Variants in TMEM178B observed in about 807,000 individuals in gnomAD.
TMEM178B encodes transmembrane protein 178B.
Under a neutral mutation model 31.0 loss-of-function variants are expected in TMEM178B, and 5 were observed. That is an observed-to-expected ratio of 0.16 (90% CI 0.08 to 0.34). The LOEUF is 0.34. TMEM178B is among the 10% of genes least tolerant of loss of function. TMEM178B has a pLI of 1.00. For synonymous variants in TMEM178B, 164 were observed against 164.0 expected, an observed-to-expected ratio of 1.00 and a Z score of 0.00; for missense variants, 275 against 400.3, an observed-to-expected ratio of 0.69 and a Z score of 2.67.
intron 1 of TMEM178B, among the ~76,000 whole-genome samples, chr7:141,199,132 G>A (rs1331393032): frequency 6.6e-6 from 1 of 152,100 alleles, no homozygotes; most frequent in African/African-American, 2.4e-5. Flanking sequence ...GTGAAGAAGC[G>A]GCTATGTAAT....
At chr7:141,075,141 A>G (rs898492380) in intron 1 of TMEM178B, among the ~76,000 whole-genome samples, 5 of 152,184 alleles carry the variant, frequency 3.3e-5, no homozygotes, top group African/African-American at 1.2e-4. Flanking sequence ...TTCATACCAG[A>G]AACGTTTGCT....
chr7:141,266,474 G>T (rs1464017958), intron 2 of TMEM178B, among the ~76,000 whole-genome samples: 3 of 152,126 alleles, frequency 2.0e-5, no homozygotes, highest in Non-Finnish European at 4.4e-5. Flanking sequence ...GTTTGTTCTG[G>T]AAAACCCTGT....
intron 1 of TMEM178B, among the ~76,000 whole-genome samples, chr7:141,180,463 C>CAAAAAAAAAAAAA (rs57969132): frequency 1.6e-4 from 13 of 83,298 alleles, no homozygotes; most frequent in Non-Finnish European, 2.3e-4. Flanking sequence ...GAGCCCATCT[C>CAAAAAAAAAAAAA]AAAAAAAAAA....
intron 2 of TMEM178B, among the ~76,000 whole-genome samples, chr7:141,241,246 G>C (rs527856845): frequency 6.6e-6 from 1 of 151,436 alleles, no homozygotes; most frequent in East Asian, 1.9e-4. Flanking sequence ...GAAGTTTCCT[G>C]CTTTCCTGGT....
intron 2 of TMEM178B, among the ~76,000 whole-genome samples, chr7:141,360,609 C>A (rs1459527301): frequency 1.3e-5 from 2 of 152,226 alleles, no homozygotes; most frequent in African/African-American, 4.8e-5. Flanking sequence ...GCTGACCCAG[C>A]AGCCTAATGT....
At chr7:141,225,756 G>A (rs978430967) in intron 2 of TMEM178B, among the ~76,000 whole-genome samples, 3 of 152,082 alleles carry the variant, frequency 2.0e-5, no homozygotes, top group Admixed American at 6.5e-5. Flanking sequence ...CATGATGAAC[G>A]TTCAGACTTC....
intron 1 of TMEM178B, among the ~76,000 whole-genome samples, chr7:141,146,833 C>T (rs1011141307): frequency 2.6e-5 from 4 of 152,156 alleles, no homozygotes; most frequent in African/African-American, 4.8e-5. Context: ...CTCCCTAAGC[C>T]GCAGAAGCAT....
chr7:141,217,179 T>C (rs1312557968), intron 2 of TMEM178B, among the ~76,000 whole-genome samples: 2 of 152,170 alleles, frequency 1.3e-5, no homozygotes, highest in Non-Finnish European at 2.9e-5. Context: ...CAGTGCTTGT[T>C]TGGAGAGTTC....
intron 2 of TMEM178B, among the ~76,000 whole-genome samples, chr7:141,235,796 A>G (rs1036344353): frequency 1.3e-5 from 2 of 152,222 alleles, no homozygotes; most frequent in Admixed American, 6.5e-5. Context: ...ACCGAGCCCT[A>G]AGAAATTGCC....
intron 1 of TMEM178B, among the ~76,000 whole-genome samples, chr7:141,142,919 G>A (rs757634057): frequency 6.6e-6 from 1 of 152,182 alleles, no homozygotes; most frequent in Non-Finnish European, 1.5e-5. Context: ...GCCATTCTGA[G>A]TGGTGTGAGA....
At chr7:141,176,646 G>T (rs530961322) in intron 1 of TMEM178B, among the ~76,000 whole-genome samples, 31 of 152,206 alleles carry the variant, frequency 2.0e-4, no homozygotes, top group African/African-American at 7.2e-4. Flanking sequence ...ACTTGTTATT[G>T]GTCTATTCAG....
intron 2 of TMEM178B, among the ~76,000 whole-genome samples, chr7:141,343,548 T>TTG (rs1491273782): frequency 6.9e-6 from 1 of 145,540 alleles, no homozygotes; most frequent in South Asian, 2.3e-4. Context: ...TTTTTTTTTT[T>TTG]TGTGAGATGG....
intron 2 of TMEM178B, among the ~76,000 whole-genome samples, chr7:141,418,650 C>T (rs1206310933): frequency 1.3e-5 from 2 of 152,120 alleles, no homozygotes; most frequent in East Asian, 1.9e-4. Context: ...CCTTAAATGT[C>T]GGTATTCAAA....
chr7:141,338,123 C>G lies in TMEM178B; in HGVS notation c.497-99485C>G, dbSNP rs551430911. Among the ~76,000 whole-genome samples the G allele has an allele frequency of 2.6e-5, 4 of 152,304 alleles. No homozygotes were observed. In the East Asian group the frequency reaches 7.7e-4, roughly 29 times the overall value. On this transcript the variant is annotated intron_variant, in intron 2 of 3. Coordinates refer to ENST00000565468, the MANE Select transcript of TMEM178B (RefSeq NM_001195278.2). Reference sequence around the variant, plus strand: ...AAGTGCTGGGATTACAGGCGTGAGCCACCGTGCCCGGCCGATTTGATATTT... The same window carrying G: ...AAGTGCTGGGATTACAGGCGTGAGCGACCGTGCCCGGCCGATTTGATATTT...
chr7:141,437,020 T>C (rs1367142043), intron 2 of TMEM178B, among the ~76,000 whole-genome samples: 1 of 152,088 alleles, frequency 6.6e-6, no homozygotes, highest in Non-Finnish European at 1.5e-5. Flanking sequence ...GGAGCCAGCT[T>C]AGAGTTGAAG....
the TMEM178B span, among the ~76,000 whole-genome samples, chr7:141,495,714 T>C: frequency 6.6e-6 from 1 of 152,200 alleles, no homozygotes; most frequent in African/African-American, 2.4e-5. Flanking sequence ...TCTGGTCATA[T>C]AGTGGAATAC....
intron 2 of TMEM178B, among the ~76,000 whole-genome samples, chr7:141,218,103 C>T (rs145993211): frequency 2.0e-5 from 3 of 152,104 alleles, no homozygotes; most frequent in South Asian, 4.2e-4. Flanking sequence ...CACACAGACA[C>T]GAGCTCACTC....
chr7:141,375,797 CT>C (rs1800202561), intron 2 of TMEM178B, among the ~76,000 whole-genome samples: 1 of 152,252 alleles, frequency 6.6e-6, no homozygotes, highest in Non-Finnish European at 1.5e-5. Context: ...GGGAGGCTCA[CT>C]TACAAGGGGA....
intron 2 of TMEM178B, among the ~76,000 whole-genome samples, chr7:141,224,182 G>A (rs998761427): frequency 9.2e-5 from 14 of 152,064 alleles, no homozygotes; most frequent in East Asian, 1.9e-4. Flanking sequence ...TGAGGCCTCC[G>A]TAGTCATGTG....
Sources: allele counts gnomAD v4.1 joint callset (sites outside exome capture counted in the v4.1 genomes callset), GRCh38; gene constraint gnomAD v4.1.1; transcripts MANE v1.5; gene names NCBI Gene and HGNC (gene_info 2026-07-23, HGNC 2026-07-21).